Variants in PCDHA6 observed in about 807,000 individuals in gnomAD.
PCDHA6 encodes protocadherin alpha 6.
A neutral mutation model predicts 60.3 loss-of-function variants in PCDHA6; 55 were observed. The observed-to-expected ratio is 0.91, with a 90% CI of 0.73 to 1.14. PCDHA6 has a LOEUF of 1.14. Among genes scored for constraint, PCDHA6 ranks in the 50% most tolerant of loss-of-function variants. PCDHA6 has a pLI of 0.00. For missense variants in PCDHA6, 1,327 were observed against 1,256.5 expected, an observed-to-expected ratio of 1.06 and a Z score of -0.85; for synonymous variants, 652 against 557.9, an observed-to-expected ratio of 1.17 and a Z score of -2.38.
At chr5:140,920,632 T>G (rs1054888668) in intron 1 of PCDHA6, among the ~76,000 whole-genome samples, 1 of 152,018 alleles carries the variant, frequency 6.6e-6, no homozygotes, top group South Asian at 2.1e-4. Context: ...GATCACAAGG[T>G]CAAGAGATTG....
chr5:140,904,742 T>G (rs1300439121), intron 1 of PCDHA6, among the ~76,000 whole-genome samples: 1 of 152,216 alleles, frequency 6.6e-6, no homozygotes, highest in African/African-American at 2.4e-5. Context: ...TTTTTTATTA[T>G]GACCATTTTT....
intron 1 of PCDHA6, chr5:140,868,995 A>G (rs944875255): frequency 4.0e-6 from 6 of 1,516,046 alleles, no homozygotes; most frequent in Non-Finnish European, 5.3e-6. Context: ...CCACCGTTTA[A>G]GGATCCTTTG....
intron 1 of PCDHA6, among the ~76,000 whole-genome samples, chr5:140,955,810 A>G (rs1171384572): frequency 1.3e-5 from 2 of 152,090 alleles, no homozygotes; most frequent in Non-Finnish European, 2.9e-5. Context: ...GTTTGTGTCC[A>G]CTGTGATTTC....
intron 1 of PCDHA6, chr5:140,842,416 T>C (rs1486970475): frequency 6.2e-7 from 1 of 1,613,166 alleles, no homozygotes; most frequent in Non-Finnish European, 8.5e-7. Flanking sequence ...ACGCTCAATT[T>C]GGTACTGTCA....
chr5:140,847,915 T>C (rs1166954389), intron 1 of PCDHA6: 1 of 150,482 alleles, frequency 6.6e-6, no homozygotes, highest in Non-Finnish European at 1.5e-5. Flanking sequence ...TGGGCTCCTA[T>C]ATTCACTAGA....
At chr5:140,944,354 A>G (rs2093646021) in intron 1 of PCDHA6, among the ~76,000 whole-genome samples, 1 of 151,968 alleles carries the variant, frequency 6.6e-6, no homozygotes, top group South Asian at 2.1e-4. Flanking sequence ...CACCTGGCTA[A>G]TTTTTAATTT....
chr5:140,835,549 T>G (rs2150237980), intron 1 of PCDHA6: 1 of 1,613,976 alleles, frequency 6.2e-7, no homozygotes, highest in Non-Finnish European at 8.5e-7. Flanking sequence ...ACCTGCTCCC[T>G]GACGCCCCGC....
chr5:140,857,141 G>A, intron 1 of PCDHA6: 3 of 1,598,268 alleles, frequency 1.9e-6, no homozygotes, highest in Non-Finnish European at 2.6e-6. Flanking sequence ...TGCTCAAGTG[G>A]GCACCGTCAT....
At chr5:140,898,906 G>A (rs199581699) in intron 1 of PCDHA6, among the ~76,000 whole-genome samples, 45,464 of 151,416 alleles carry the variant, frequency 0.3, 7,269 homozygotes, top group East Asian at 0.52. Context: ...GGTCCTTCAC[G>A]TCCCTTGTAA....
At chr5:140,958,620 T>C (rs1260968586) in intron 1 of PCDHA6, among the ~76,000 whole-genome samples, 1 of 152,132 alleles carries the variant, frequency 6.6e-6, no homozygotes, top group African/African-American at 2.4e-5. Flanking sequence ...CTAGTCCAGC[T>C]TGAGAGTACT....
At chr5:141,000,223 G>A (rs1190945878) in intron 3 of PCDHA6, among the ~76,000 whole-genome samples, 2 of 151,642 alleles carry the variant, frequency 1.3e-5, no homozygotes, top group African/African-American at 4.8e-5. Flanking sequence ...AAATGCCTGT[G>A]TGGAGCTGAA....
chr5:141,009,372 T>C (rs1026606654), intron 3 of PCDHA6, among the ~76,000 whole-genome samples: 3 of 152,152 alleles, frequency 2.0e-5, no homozygotes, highest in Non-Finnish European at 1.5e-5. Context: ...GATGGGAGGA[T>C]TGATTGAGCA....
intron 1 of PCDHA6, among the ~76,000 whole-genome samples, chr5:140,976,378 C>T (rs908008970): frequency 6.6e-6 from 1 of 151,926 alleles, no homozygotes; most frequent in Admixed American, 6.6e-5. Context: ...TGGTGAAACC[C>T]CATCTCTACT....
At chr5:140,886,772 G>A (rs910164045) in intron 1 of PCDHA6, among the ~76,000 whole-genome samples, 16 of 143,450 alleles carry the variant, frequency 1.1e-4, no homozygotes, top group Non-Finnish European at 1.8e-4. Flanking sequence ...GTTGCAGTGA[G>A]ATGAGATCAT....
At chr5:140,914,613 G>A (rs2076780862) in intron 1 of PCDHA6, among the ~76,000 whole-genome samples, 1 of 151,852 alleles carries the variant, frequency 6.6e-6, no homozygotes, top group Non-Finnish European at 1.5e-5. Flanking sequence ...CTGCCATTTT[G>A]TAATTTGTTT....
At chr5:140,995,860 A>C (rs1220139939) in intron 3 of PCDHA6, among the ~76,000 whole-genome samples, 1 of 152,220 alleles carries the variant, frequency 6.6e-6, no homozygotes, top group Non-Finnish European at 1.5e-5. Flanking sequence ...CGTATCACTT[A>C]ATAATTGTGC....
At chr5:140,894,044 T>C (rs2064295340) in intron 1 of PCDHA6, among the ~76,000 whole-genome samples, 1 of 152,190 alleles carries the variant, frequency 6.6e-6, no homozygotes, top group Admixed American at 6.5e-5. Context: ...ATGTAAGTCC[T>C]CTGTTGAATT....
At chr5:140,897,381 T>C (rs1258843270) in intron 1 of PCDHA6, among the ~76,000 whole-genome samples, 1 of 136,686 alleles carries the variant, frequency 7.3e-6, no homozygotes, top group Non-Finnish European at 1.5e-5. Flanking sequence ...CCCTTCCCCT[T>C]CCTGTGTCCA....
Position 140,829,124 on chromosome 5 carries a change from G to A in PCDHA6, c.1033G>A (p.Asp345Asn). The change falls in exon 1 of 4, where the codon GAT (aspartate) becomes AAT (asparagine). Residue 345 changes from aspartate to asparagine, a missense_variant. Transcript: ENST00000529310. ...TTTAGTGAGAATTTTGGATAAAAATGATAACGTCCCTGAGATAGCACTGAC... is the reference window on the plus strand; with the variant it reads ...TTTAGTGAGAATTTTGGATAAAAATAATAACGTCCCTGAGATAGCACTGAC... ...TVLVRILDKNDNVPEIALTSL... is the reference protein window; with the variant it reads ...TVLVRILDKNNNVPEIALTSL... The A allele has an allele frequency of 6.2e-7, 1 of 1,612,404 alleles. No individual in the cohort carries two copies. Among genetic ancestry groups the A allele is most frequent in the Non-Finnish European group, 8.5e-7 (1 of 1,178,400 alleles).
Sources: gnomAD v4.1 joint callset for allele counts (sites outside exome capture counted in the v4.1 genomes callset) on GRCh38, gnomAD v4.1.1 for gene constraint, MANE v1.5 for transcripts, NCBI Gene and HGNC (gene_info 2026-07-23, HGNC 2026-07-21) for gene names.